Variants in TRPM1 observed in about 807,000 individuals in gnomAD.
TRPM1 encodes the protein transient receptor potential cation channel subfamily M member 1.
A neutral mutation model predicts 149.4 loss-of-function variants in TRPM1; 113 were observed. The ratio of observed to expected loss-of-function variants is 0.76; its 90% confidence interval spans 0.65 to 0.88. The LOEUF (loss-of-function observed/expected upper bound fraction) is 0.88, where lower values mean the gene tolerates loss of function less well. Among genes scored for constraint, TRPM1 ranks in the 40% least tolerant of loss-of-function variants. The pLI is 0.00. For missense variants in TRPM1, 1,976 were observed against 2,038.7 expected (o/e 0.97, Z 0.59); for synonymous variants, 741 against 759.5 (o/e 0.98, Z 0.40).
At chr15:31,067,471 T>G (rs984216762) in intron 5 of TRPM1, among the ~76,000 whole-genome samples, 12 of 151,674 alleles carry the variant, frequency 7.9e-5, no homozygotes, top group Admixed American at 2.0e-4. Context: ...ATAACTGGAG[T>G]CTTTTTGGCA....
intron 21 of TRPM1, 68 bp downstream of exon 21, chr15:31,035,478 A>G: frequency 6.2e-7 from 1 of 1,609,496 alleles, no homozygotes; most frequent in Non-Finnish European, 8.5e-7. Context: ...ACGTTTTTTC[A>G]GTAAGGAGCC....
In TRPM1 at chr15:31,136,685, G is replaced by T. The variant is rs902958858; in HGVS notation, c.54+24221C>A. ...TCCCTGTCCTTGTCTCATAAGGAAA[G>T]TCACTTTGAAAAGACCAATCTGCTT... On this transcript the variant is annotated intron_variant, in intron 1 of 26. Transcript: ENST00000542188. Among the ~76,000 whole-genome samples the T allele has an allele frequency of 1.1e-4, 16 of 150,934 alleles. No individual in the cohort carries two copies. The East Asian group carries it at 2.9e-3, about 28-fold the overall frequency.
intron 1 of TRPM1, among the ~76,000 whole-genome samples, chr15:31,088,217 A>C (rs1567044773): frequency 1.3e-5 from 2 of 152,212 alleles, no homozygotes; most frequent in Non-Finnish European, 2.9e-5. Context: ...AGCACTCTTT[A>C]AAATGGACTA....
At position 31,110,591 on chromosome 15, in the gene TRPM1, G is replaced by A. The variant is rs374153560; in HGVS notation, c.55-33607C>T. On this transcript the variant is annotated intron_variant, in intron 1 of 26. Transcript: ENST00000542188. ...GGCCAAAATATGCTGGCCGTTCTCC[G>A]TAGGCCGCCCAGCCTCGTCAACAGG... is the stretch of plus-strand genomic sequence containing the variant. Among the ~76,000 whole-genome samples the A allele has an allele frequency of 4.1e-3, 617 of 152,264 alleles. 4 individuals carry two copies. The highest frequency in any genetic ancestry group is 5.5e-3 in the Non-Finnish European group (377 of 68,020).
chr15:31,004,420 T>C (rs1314549797), intron 27 of TRPM1, among the ~76,000 whole-genome samples: 2 of 151,788 alleles, frequency 1.3e-5, no homozygotes, highest in Non-Finnish European at 2.9e-5. Flanking sequence ...GTGGCTACCT[T>C]GCCCCACCTC....
Position 31,061,473 on chromosome 15 carries a change from G to A in TRPM1, c.1131C>T (p.Ile377=), listed in dbSNP as rs749957409. The A allele has an allele frequency of 3.1e-6, 5 of 1,614,010 alleles. No homozygotes were observed. The Middle Eastern group carries it at 6.6e-4, about 213-fold the overall frequency. Reference sequence around the variant, plus strand: ...GCAGGGCAGTTAAAATTGCCATCTCGATGTCCTGCTGGCCCTCAGAACCCA... The same window carrying A: ...GCAGGGCAGTTAAAATTGCCATCTCAATGTCCTGCTGGCCCTCAGAACCCA... The part of the protein sequence containing the change: ...FRMGSEGQQD[I]EMAILTALLK... Residue 377 remains isoleucine (I), a synonymous_variant, in exon 10 of 28, where the codon ATC becomes ATT. Transcript: ENST00000256552.
intron 27 of TRPM1, among the ~76,000 whole-genome samples, chr15:31,013,511 T>C (rs909816029): frequency 2.0e-5 from 3 of 152,152 alleles, no homozygotes; most frequent in African/African-American, 7.2e-5. Flanking sequence ...GTTAAACTCT[T>C]TGCTAAAACA....
chr15:31,041,851 T>C (rs1203284502), intron 17 of TRPM1, 100 bp downstream of exon 17: 25 of 1,293,066 alleles, frequency 1.9e-5, no homozygotes, highest in Middle Eastern at 2.0e-4. Context: ...TTAACCACCA[T>C]TGTCCTTAAG....
intron 1 of TRPM1, among the ~76,000 whole-genome samples, chr15:31,089,618 G>T (rs2035166962): frequency 6.6e-6 from 1 of 152,226 alleles, no homozygotes; most frequent in Non-Finnish European, 1.5e-5. Flanking sequence ...TGGCTCGGGA[G>T]AGTTTGTAAT....
chr15:31,116,560 C>T (rs1286617608), intron 1 of TRPM1, among the ~76,000 whole-genome samples: 1 of 151,826 alleles, frequency 6.6e-6, no homozygotes, highest in Non-Finnish European at 1.5e-5. Flanking sequence ...CAAGATCATG[C>T]CACTGCACTC....
rs765484214 is a variant in TRPM1, at chr15:31,002,724, A to G, written c.3976T>C (p.Phe1326Leu). The G allele has an allele frequency of 2.5e-6, 4 of 1,614,182 alleles. No homozygotes were observed. The highest frequency in any genetic ancestry group is 3.4e-6 in the Non-Finnish European group (4 of 1,180,038). The part of the protein sequence containing the change: ...GTGVRKKTCS[F>L]RIKEEKDVKT... ...ACGTCCTTCTCTTCCTTTATACGGA[A>G]GGAACAGGTTTTTTTCCTGACTCCT... The change falls in exon 28 of 28, where the codon TTC (phenylalanine) becomes CTC (leucine). Residue 1326 changes from phenylalanine (F) to leucine (L), a missense_variant. Coordinates refer to ENST00000256552, the MANE Select transcript of TRPM1 (RefSeq NM_001252024.2).
chr15:31,019,395 G>A (rs1160642786), intron 27 of TRPM1, among the ~76,000 whole-genome samples: 4 of 152,086 alleles, frequency 2.6e-5, no homozygotes, highest in African/African-American at 7.2e-5. Flanking sequence ...CAAGACTCAC[G>A]TCTTTCTTTT....
intron 1 of TRPM1, among the ~76,000 whole-genome samples, chr15:31,149,523 T>C (rs914241568): frequency 2.8e-5 from 3 of 107,414 alleles, no homozygotes; most frequent in Non-Finnish European, 6.0e-5. Flanking sequence ...CATCTCTCTC[T>C]CTCTTTTTTT....
intron 1 of TRPM1, among the ~76,000 whole-genome samples, chr15:31,148,009 A>T (rs1056512532): frequency 1.3e-5 from 2 of 152,134 alleles, no homozygotes; most frequent in Admixed American, 6.5e-5. Context: ...AAAACAAACA[A>T]AAAAACAAAA....
intron 3 of TRPM1, 40 bp from the exon 4 acceptor site, chr15:31,070,266 T>C: frequency 6.4e-7 from 1 of 1,574,124 alleles, no homozygotes; most frequent in Non-Finnish European, 8.7e-7. Flanking sequence ...TACAACAATC[T>C]CCCCCTTTCC....
In TRPM1 at chr15:31,001,959, T is replaced by TC. The variant is rs763394273; in HGVS notation, c.4740dup (p.Asn1581GlufsTer17). The TC allele has an allele frequency of 6.2e-7, 1 of 1,614,100 alleles. No individual in the cohort carries two copies. Among genetic ancestry groups the TC allele is most frequent in the Admixed American group, 1.7e-5 (1 of 60,016 alleles). ...AACTTTCCCTGAATGGATTTCACAT[T>TC]CCTAGGATGTCCATGTAAACTTTTT... is the stretch of plus-strand genomic sequence containing the variant. On this transcript the variant is annotated frameshift_variant, in exon 28 of 28. Transcript: ENST00000256552. LOFTEE classifies it low-confidence loss of function (END_TRUNC).
intron 13 of TRPM1, 52 bp downstream of exon 13, chr15:31,049,323 A>G: frequency 6.2e-7 from 1 of 1,613,482 alleles, no homozygotes; most frequent in Non-Finnish European, 8.5e-7. Context: ...CCAGTGACAA[A>G]CACATTTAGG....
At chr15:31,103,697 C>T (rs1288209651), upstream of TRPM1, among the ~76,000 whole-genome samples, 1 of 151,476 alleles carries the variant, frequency 6.6e-6, no homozygotes, top group Non-Finnish European at 1.5e-5. Flanking sequence ...CCTGTAATCC[C>T]AGCTACTCGG....
Position 31,040,289 on chromosome 15 carries a change from C to G in TRPM1, c.2145G>C (p.Gln715His). The part of the protein sequence containing the change: ...LLDQSYKHDE[Q>H]IAMKLLTYEL... Reference sequence around the variant, plus strand: ...CGTAGGTCAGGAGTTTCATAGCGATCTGCTCGTCATGCTTATAGGACTGGT... The same window carrying G: ...CGTAGGTCAGGAGTTTCATAGCGATGTGCTCGTCATGCTTATAGGACTGGT... Residue 715 changes from glutamine (Q) to histidine (H), a missense_variant, in exon 18 of 28, where the codon CAG becomes CAC. This residue lies in a region of TRPM1 where 1,332 missense variants were observed against 1,347.1 expected (regional missense o/e 0.99). Transcript: ENST00000256552. This position sits in a 1 kb window ranked among gnomAD's most constrained non-coding sequence, Gnocchi z 4.2. 1 of 1,614,222 alleles carries G rather than the reference C, an allele frequency of 6.2e-7. No homozygotes were observed. The highest frequency in any genetic ancestry group is 8.5e-7 in the Non-Finnish European group (1 of 1,180,044).
Sources: allele counts gnomAD v4.1 joint callset (sites outside exome capture counted in the v4.1 genomes callset), GRCh38; gene constraint gnomAD v4.1.1; regional missense constraint gnomAD v4.1.1; non-coding constraint Gnocchi (gnomAD v3.1); transcripts MANE v1.5; gene names NCBI Gene and HGNC (gene_info 2026-07-23, HGNC 2026-07-21).